The following METTL15 variants were observed in gnomAD, a reference collection of about 807,000 sequenced individuals.
METTL15 encodes methyltransferase 15, mitochondrial 12S rRNA N4-cytidine, also known as 12S rRNA N(4)-cytidine methyltransferase METTL15.
METTL15 carries 34 observed loss-of-function variants against 38.3 expected under a neutral mutation model. The observed-to-expected ratio is 0.89, with a 90% CI of 0.68 to 1.18. METTL15 has a LOEUF of 1.18. Ranked by LOEUF, METTL15 falls within the 50% of genes most tolerant of loss-of-function variation. METTL15 has a pLI of 0.00. For missense variants in METTL15, 438 were observed against 498.4 expected (o/e 0.88, Z 1.15); for synonymous variants, 162 against 170.9 (o/e 0.95, Z 0.41).
intron 4 of METTL15, among the ~76,000 whole-genome samples, chr11:28,215,051 C>T (rs1852803040): frequency 6.6e-6 from 1 of 152,084 alleles, no homozygotes; most frequent in Admixed American, 6.6e-5. Flanking sequence ...GAGAACTATC[C>T]ATTTTTTATG....
intron 3 of METTL15, among the ~76,000 whole-genome samples, chr11:28,172,057 T>G (rs1590861639): frequency 6.6e-6 from 1 of 152,200 alleles, no homozygotes; most frequent in African/African-American, 2.4e-5. Context: ...TGTCTCAGCC[T>G]TCCGAAGTGT....
At chr11:28,138,349 T>C (rs545018778) in intron 3 of METTL15, among the ~76,000 whole-genome samples, 2 of 152,324 alleles carry the variant, frequency 1.3e-5, no homozygotes, top group South Asian at 4.1e-4. Context: ...ATATCCACTT[T>C]AAATTAAGCT....
At chr11:28,446,951 A>G (rs1167993203) in intron 6 of METTL15, among the ~76,000 whole-genome samples, 4 of 152,164 alleles carry the variant, frequency 2.6e-5, no homozygotes, top group African/African-American at 4.8e-5. Flanking sequence ...CACTATAAAA[A>G]TTAAAATGGG....
chr11:28,153,816 A>G (rs1300799275), intron 3 of METTL15, among the ~76,000 whole-genome samples: 1 of 152,096 alleles, frequency 6.6e-6, no homozygotes, highest in Non-Finnish European at 1.5e-5. Flanking sequence ...AGCATTCTAA[A>G]TTGTCCAGAT....
chr11:28,477,655 C>G (rs756691545), intron 6 of METTL15: 2 of 152,118 alleles, frequency 1.3e-5, no homozygotes, highest in African/African-American at 2.4e-5. Context: ...AATCTATACA[C>G]TGTCTATTTA....
chr11:28,302,783 T>C (rs1001296486), intron 6 of METTL15, among the ~76,000 whole-genome samples: 6 of 152,176 alleles, frequency 3.9e-5, no homozygotes, highest in African/African-American at 1.4e-4. Context: ...CTCTAGTACT[T>C]TATTCATCTT....
intron 3 of METTL15, among the ~76,000 whole-genome samples, chr11:28,122,341 G>A (rs893904283): frequency 1.1e-4 from 11 of 99,436 alleles, no homozygotes; most frequent in African/African-American, 5.4e-4. Flanking sequence ...ATATGTGTGT[G>A]TGTGTGTGTG....
At chr11:28,372,548 T>TGTGTA (rs1590349097) in intron 5 of METTL15, among the ~76,000 whole-genome samples, 1 of 151,636 alleles carries the variant, frequency 6.6e-6, no homozygotes, top group East Asian at 1.9e-4. Context: ...TCTTCACAAT[T>TGTGTA]GGTTGACATT....
intron 6 of METTL15, among the ~76,000 whole-genome samples, chr11:28,492,124 GT>G (rs1487519080): frequency 2.6e-5 from 4 of 152,120 alleles, no homozygotes; most frequent in Non-Finnish European, 5.9e-5. Context: ...AGAACAAGAT[GT>G]TTTTTGCTAT....
Position 28,201,610 on chromosome 11 carries a change from G to GGGGTGTGTGTGTGTGTGTGTGTGTGT in METTL15, c.271-9451_271-9450insGGTGTGTGTGTGTGTGTGTGTGTGTG, listed in dbSNP as rs1554997839. On this transcript the variant is annotated intron_variant, in intron 3 of 6. Transcript: ENST00000407364. Reference sequence around the variant, plus strand: ...CTTCTTCCTGGTTTAGTCTTGGGAGGGTGTGTGTGTGTGTCCAGGAATTTA... The same window carrying GGGGTGTGTGTGTGTGTGTGTGTGTGT: ...CTTCTTCCTGGTTTAGTCTTGGGAGGGGGTGTGTGTGTGTGTGTGTGTGTGTGTGTGTGTGTGTGTCCAGGAATTTA... 8.3e-3 allele frequency among the ~76,000 whole-genome samples: 1,203 copies of GGGGTGTGTGTGTGTGTGTGTGTGTGT among 145,648 alleles called. 22 individuals carry two copies. Among genetic ancestry groups the GGGGTGTGTGTGTGTGTGTGTGTGTGT allele is most frequent in the African/African-American group, 0.029 (1,143 of 39,100 alleles).
chr11:28,277,073 T>G (rs1855871320), intron 4 of METTL15, among the ~76,000 whole-genome samples: 2 of 152,126 alleles, frequency 1.3e-5, no homozygotes, highest in South Asian at 2.1e-4. Context: ...TTGAAAAGCT[T>G]CTGCATAGCA....
At chr11:28,375,794 G>C (rs994252286) in intron 5 of METTL15, among the ~76,000 whole-genome samples, 1 of 151,754 alleles carries the variant, frequency 6.6e-6, no homozygotes, top group East Asian at 1.9e-4. Context: ...GCTTTCTCTT[G>C]TGGGTATTTA....
chr11:28,273,313 G>A (rs1161584704), intron 4 of METTL15, among the ~76,000 whole-genome samples: 2 of 152,038 alleles, frequency 1.3e-5, no homozygotes, highest in Non-Finnish European at 2.9e-5. Context: ...TTATTCTTTT[G>A]ATTATGTAAT....
chr11:28,239,849 A>G (rs1484470846), intron 4 of METTL15, among the ~76,000 whole-genome samples: 1 of 152,224 alleles, frequency 6.6e-6, no homozygotes, highest in Non-Finnish European at 1.5e-5. Context: ...CCCTTGCTTT[A>G]TATTTTGTTA....
At chr11:28,518,237 C>A (rs1359768872) in intron 6 of METTL15, among the ~76,000 whole-genome samples, 1 of 152,144 alleles carries the variant, frequency 6.6e-6, no homozygotes, top group Non-Finnish European at 1.5e-5. Context: ...TAGAGACCCC[C>A]CTCCACATGA....
At chr11:28,430,158 C>G (rs1293797672) in intron 6 of METTL15, among the ~76,000 whole-genome samples, 1 of 151,424 alleles carries the variant, frequency 6.6e-6, no homozygotes, top group Non-Finnish European at 1.5e-5. Context: ...CCCCTCCGCC[C>G]GGCAGCTGCC....
At chr11:28,171,381 A>C (rs191647779) in intron 3 of METTL15, among the ~76,000 whole-genome samples, 96 of 152,242 alleles carry the variant, frequency 6.3e-4, no homozygotes, top group African/African-American at 2.1e-3. Flanking sequence ...TAGAGGCAAT[A>C]TTACCCATCA....
At chr11:28,233,463 AT>A (rs558882235) in intron 4 of METTL15, among the ~76,000 whole-genome samples, 14 of 149,474 alleles carry the variant, frequency 9.4e-5, no homozygotes, top group African/African-American at 1.2e-4. Context: ...ACTGTGGCTA[AT>A]TTTTTTTTTA....
At chr11:28,223,884 A>G (rs1853360369) in intron 4 of METTL15, among the ~76,000 whole-genome samples, 1 of 152,064 alleles carries the variant, frequency 6.6e-6, no homozygotes, top group Non-Finnish European at 1.5e-5. Flanking sequence ...TGGAAGATGG[A>G]TATTGGAAGA....
Sources: allele counts gnomAD v4.1 joint callset (sites outside exome capture counted in the v4.1 genomes callset), GRCh38; gene constraint gnomAD v4.1.1; transcripts MANE v1.5; gene names NCBI Gene and HGNC (gene_info 2026-07-23, HGNC 2026-07-21).